COL25A1: variants seen among roughly 807,000 people sequenced by gnomAD.
COL25A1 encodes collagen alpha-1(XXV) chain.
In COL25A1, 103 loss-of-function variants were observed where a neutral mutation model predicts 128.4. The ratio of observed to expected loss-of-function variants is 0.80; its 90% CI spans 0.68 to 0.94. The LOEUF is 0.94. COL25A1 is among the 40% of genes least tolerant of loss of function. The pLI is 0.00. For synonymous variants in COL25A1, 279 were observed against 277.2 expected (o/e 1.01, Z -0.06); for missense variants, 745 against 840.0 (o/e 0.89, Z 1.40).
chr4:108,968,106 T>C (rs2125981512), intron 8 of COL25A1, among the ~76,000 whole-genome samples: 1 of 152,324 alleles, frequency 6.6e-6, no homozygotes, highest in African/African-American at 2.4e-5. Context: ...GTACAATTCT[T>C]ATGTCAGGAT....
At chr4:109,034,686 G>A (rs112944097) in intron 5 of COL25A1, among the ~76,000 whole-genome samples, 186 of 152,210 alleles carry the variant, frequency 1.2e-3, no homozygotes, top group African/African-American at 3.9e-3. Flanking sequence ...AAAATTTCAG[G>A]AAAATATCCT....
At chr4:109,243,339 C>A (rs957789206) in intron 3 of COL25A1, among the ~76,000 whole-genome samples, 1 of 151,786 alleles carries the variant, frequency 6.6e-6, no homozygotes, top group Non-Finnish European at 1.5e-5. Flanking sequence ...GTGTATGAAC[C>A]AACTCTGCTT....
chr4:109,000,561 C>T (rs1755246761), intron 6 of COL25A1, among the ~76,000 whole-genome samples: 2 of 151,760 alleles, frequency 1.3e-5, no homozygotes, highest in South Asian at 4.2e-4. Flanking sequence ...GCCTGGCCAA[C>T]ATGGTGAAGC....
rs549865994 is a variant in COL25A1, at chr4:109,093,378, G to A, written c.368-43199C>T. Among the ~76,000 whole-genome samples, 16 of 150,098 alleles carry A rather than the reference G, an allele frequency of 1.1e-4. No individual in the cohort carries two copies. The South Asian group carries it at 2.5e-3, about 24-fold the overall frequency. ...CTCATGCCTATAATCTCAGTACTTT[G>A]GGAGGCCAAAGTGAAAGGGTCACTT... is the stretch of plus-strand genomic sequence containing the variant. On this transcript the variant is annotated intron_variant, in intron 3 of 37. Coordinates refer to ENST00000399132, the MANE Select transcript of COL25A1 (RefSeq NM_198721.4).
At chr4:108,840,242 CAAAAAAAAAAA>C (rs34039825) in intron 31 of COL25A1, among the ~76,000 whole-genome samples, 3 of 95,376 alleles carry the variant, frequency 3.1e-5, no homozygotes, top group Non-Finnish European at 4.1e-5. Context: ...AACGCCATCT[CAAAAAAAAAAA>C]AAAAAAAAAT....
At chr4:108,925,799 G>A (rs1474195099) in intron 11 of COL25A1, among the ~76,000 whole-genome samples, 1 of 152,142 alleles carries the variant, frequency 6.6e-6, no homozygotes, top group African/African-American at 2.4e-5. Flanking sequence ...CTAATTGCAA[G>A]CGTGAGTGGA....
chr4:108,928,178 C>T (rs1236994440), intron 11 of COL25A1, among the ~76,000 whole-genome samples: 1 of 152,182 alleles, frequency 6.6e-6, no homozygotes, highest in African/African-American at 2.4e-5. Context: ...CTACACTACA[C>T]TCAGTAAAAA....
chr4:109,019,373 C>CATATAT (rs1271683280), intron 5 of COL25A1, among the ~76,000 whole-genome samples: 366 of 31,814 alleles, frequency 0.012, 1 homozygote, highest in Middle Eastern at 0.037. Context: ...CACACACACA[C>CATATAT]ACATATATAT....
At chr4:108,968,154 A>G (rs1751529850) in intron 8 of COL25A1, among the ~76,000 whole-genome samples, 1 of 152,232 alleles carries the variant, frequency 6.6e-6, no homozygotes, top group Non-Finnish European at 1.5e-5. Flanking sequence ...AGTGCCTCGT[A>G]GAATAAAACC....
At chr4:109,261,943 T>C (rs1273251275) in intron 3 of COL25A1, among the ~76,000 whole-genome samples, 3 of 151,656 alleles carry the variant, frequency 2.0e-5, no homozygotes, top group African/African-American at 7.3e-5. Context: ...GTGATCTGCC[T>C]TTCTCGGCCT....
chr4:109,187,201 A>C (rs76818023), intron 3 of COL25A1, among the ~76,000 whole-genome samples: 1 of 16,320 alleles, frequency 6.1e-5, no homozygotes, highest in South Asian at 1.3e-3. Flanking sequence ...CTTGCTCTCT[A>C]CACACACACA....
chr4:109,271,252 A>G (rs919347729), intron 3 of COL25A1, among the ~76,000 whole-genome samples: 1 of 152,226 alleles, frequency 6.6e-6, no homozygotes, highest in Non-Finnish European at 1.5e-5. Context: ...TAAAATGTAA[A>G]TTTAATGAAG....
chr4:108,905,989 C>T (rs1422620092), intron 13 of COL25A1, among the ~76,000 whole-genome samples: 1 of 152,066 alleles, frequency 6.6e-6, no homozygotes, highest in Non-Finnish European at 1.5e-5. Flanking sequence ...ACTGTCTGTA[C>T]GGTAAGCCAG....
intron 3 of COL25A1, among the ~76,000 whole-genome samples, chr4:109,057,205 G>A (rs534636786): frequency 6.6e-6 from 1 of 152,168 alleles, no homozygotes; most frequent in African/African-American, 2.4e-5. Flanking sequence ...GGCAAAGCAT[G>A]TTATCTTTCT....
intron 3 of COL25A1, among the ~76,000 whole-genome samples, chr4:109,097,996 A>G (rs997438484): frequency 5.3e-5 from 8 of 152,084 alleles, no homozygotes; most frequent in Non-Finnish European, 1.0e-4. Flanking sequence ...AATTAAAACC[A>G]TTTAAAATGA....
At chr4:108,857,044 T>A (rs1736607164) in intron 24 of COL25A1, among the ~76,000 whole-genome samples, 1 of 152,098 alleles carries the variant, frequency 6.6e-6, no homozygotes. Flanking sequence ...AAGGATAGCT[T>A]GCCTCATGCC....
At chr4:109,048,227 T>A (rs370685141) in intron 4 of COL25A1, 52 bp from the exon 5 acceptor site, 2 of 1,537,828 alleles carry the variant, frequency 1.3e-6, no homozygotes, top group Non-Finnish European at 1.8e-6. Context: ...TTAGTGAATA[T>A]GCAAAATATT....
chr4:109,023,437 T>G (rs1469718728), intron 5 of COL25A1, among the ~76,000 whole-genome samples: 1 of 152,196 alleles, frequency 6.6e-6, no homozygotes, highest in Admixed American at 6.5e-5. Context: ...GATTCTGCTG[T>G]TGATTAAATA....
chr4:109,180,735 G>A (rs4956251), intron 3 of COL25A1, among the ~76,000 whole-genome samples: 75,137 of 151,450 alleles, frequency 0.5, 21,345 homozygotes, highest in Non-Finnish European at 0.65. Flanking sequence ...ACAGTTTTGA[G>A]GCTTGAAGGA....
Sources: gnomAD v4.1 joint callset for allele counts (sites outside exome capture counted in the v4.1 genomes callset) on GRCh38, gnomAD v4.1.1 for gene constraint, MANE v1.5 for transcripts, NCBI Gene and HGNC (gene_info 2026-07-23, HGNC 2026-07-21) for gene names.